Variants in PTPRD observed in about 807,000 individuals in gnomAD.
The protein encoded by PTPRD is receptor-type tyrosine-protein phosphatase delta.
In PTPRD, 34 loss-of-function variants were observed where a neutral mutation model predicts 214.5. The observed-to-expected ratio is 0.16, with a 90% confidence interval of 0.12 to 0.21. The LOEUF (loss-of-function observed/expected upper bound fraction) is 0.21, where lower values mean the gene tolerates loss of function less well. Among genes scored for constraint, PTPRD ranks in the 10% least tolerant of loss-of-function variants. The probability of loss-of-function intolerance (pLI) is 1.00; values close to 1 mark genes in which losing one functional copy is unlikely to be tolerated. For missense variants in PTPRD, 2,545 were observed against 2,398.7 expected, an observed-to-expected ratio of 1.06 and a Z score of -1.27; for synonymous variants, 1,128 against 845.7, an observed-to-expected ratio of 1.33 and a Z score of -5.79.
intron 7 of PTPRD, among the ~76,000 whole-genome samples, chr9:9,674,001 T>C (rs2096881503): frequency 6.6e-6 from 1 of 151,860 alleles, no homozygotes; most frequent in South Asian, 2.1e-4. Flanking sequence ...TGGGAAAGTT[T>C]AGTCTCCCAG....
chr9:9,350,764 A>G (rs953626031), intron 9 of PTPRD, among the ~76,000 whole-genome samples: 5 of 152,200 alleles, frequency 3.3e-5, no homozygotes, highest in East Asian at 3.9e-4. Flanking sequence ...ACAAAACACT[A>G]TAGTACAATA....
chr9:9,388,070 T>C (rs2064501214), intron 9 of PTPRD, among the ~76,000 whole-genome samples: 2 of 152,046 alleles, frequency 1.3e-5, no homozygotes, highest in South Asian at 2.1e-4. Context: ...CTTGGGAAAT[T>C]AGTGCAAGGT....
intron 9 of PTPRD, among the ~76,000 whole-genome samples, chr9:9,351,276 G>A (rs1401439707): frequency 1.3e-5 from 2 of 151,948 alleles, no homozygotes; most frequent in African/African-American, 2.4e-5. Flanking sequence ...CATAAAAAGA[G>A]GAAACAAAGG....
intron 8 of PTPRD, among the ~76,000 whole-genome samples, chr9:9,512,711 GGGACTATACAC>G (rs2096739077): frequency 6.6e-6 from 1 of 151,198 alleles, no homozygotes; most frequent in African/African-American, 2.4e-5. Flanking sequence ...TCTAACCCTG[GGGACTATACAC>G]AACTATCAAC....
intron 2 of PTPRD, among the ~76,000 whole-genome samples, chr9:10,595,412 A>G (rs545228737): frequency 6.6e-6 from 1 of 151,994 alleles, no homozygotes; most frequent in African/African-American, 2.4e-5. Flanking sequence ...AAAATCAGTG[A>G]TAATTCAGTA....
At chr9:8,830,152 A>G (rs1331632218) in intron 11 of PTPRD, among the ~76,000 whole-genome samples, 1 of 152,146 alleles carries the variant, frequency 6.6e-6, no homozygotes, top group Non-Finnish European at 1.5e-5. Context: ...TGTTCATTTT[A>G]CAGATGAGAA....
chr9:9,931,165 A>G (rs1347873376), intron 5 of PTPRD, among the ~76,000 whole-genome samples: 1 of 152,184 alleles, frequency 6.6e-6, no homozygotes, highest in South Asian at 2.1e-4. Context: ...ATAGAAAAAA[A>G]TTGATTGTAA....
intron 14 of PTPRD, among the ~76,000 whole-genome samples, chr9:8,560,920 A>T (rs577550265): frequency 8.0e-6 from 1 of 125,776 alleles, no homozygotes; most frequent in Non-Finnish European, 1.5e-5. Context: ...GCAGAAAGGC[A>T]TTCCTTTAAA....
At chr9:10,425,456 G>A (rs576629777) in intron 2 of PTPRD, among the ~76,000 whole-genome samples, 2 of 151,760 alleles carry the variant, frequency 1.3e-5, no homozygotes, top group Non-Finnish European at 2.9e-5. Flanking sequence ...CTCCCCCTGT[G>A]CTCTATTTAT....
intron 7 of PTPRD, among the ~76,000 whole-genome samples, chr9:9,615,459 G>C (rs936624809): frequency 2.6e-5 from 4 of 152,186 alleles, no homozygotes; most frequent in African/African-American, 4.8e-5. Context: ...TCTTCTCCAA[G>C]GGAAGTCTTC....
chr9:8,562,373 G>T (rs1424833411), intron 14 of PTPRD, among the ~76,000 whole-genome samples: 1 of 151,824 alleles, frequency 6.6e-6, no homozygotes, highest in African/African-American at 2.4e-5. Context: ...AGTATTTTTT[G>T]AAAACTTCTC....
chr9:10,090,314 G>A (rs765207152), intron 3 of PTPRD, among the ~76,000 whole-genome samples: 2 of 151,470 alleles, frequency 1.3e-5, no homozygotes, highest in African/African-American at 4.8e-5. Context: ...AGCCAGACTA[G>A]CTTATTCACC....
chr9:8,670,398 T>C (rs1323898967), intron 12 of PTPRD, among the ~76,000 whole-genome samples: 9 of 152,160 alleles, frequency 5.9e-5, no homozygotes. Flanking sequence ...GTGGTTACTA[T>C]AGCTATATCA....
chr9:10,081,265 A>T (rs1272183041), intron 3 of PTPRD, among the ~76,000 whole-genome samples: 1 of 152,136 alleles, frequency 6.6e-6, no homozygotes, highest in Non-Finnish European at 1.5e-5. Context: ...CAAGATTCTG[A>T]TACACATCAA....
chr9:10,558,755 T>C (rs1482356065), intron 2 of PTPRD, among the ~76,000 whole-genome samples: 3 of 152,122 alleles, frequency 2.0e-5, no homozygotes, highest in South Asian at 2.1e-4. Context: ...GTTTGAAGAA[T>C]GGATGGATGA....
chr9:9,381,022 T>C (rs2780079), intron 9 of PTPRD, among the ~76,000 whole-genome samples: 32,477 of 152,058 alleles, frequency 0.21, 4,058 homozygotes, highest in East Asian at 0.38. Flanking sequence ...TTTTGCTTAG[T>C]GTTAGTATGG....
At chr9:10,238,902 CA>C (rs1356773180) in intron 3 of PTPRD, among the ~76,000 whole-genome samples, 1 of 151,752 alleles carries the variant, frequency 6.6e-6, no homozygotes, top group Non-Finnish European at 1.5e-5. Flanking sequence ...ACCTGGGAGG[CA>C]GTATGTTTTG....
chr9:10,599,332 CTT>C (rs2077412909), intron 2 of PTPRD, among the ~76,000 whole-genome samples: 1 of 151,752 alleles, frequency 6.6e-6, no homozygotes, highest in Admixed American at 6.6e-5. Flanking sequence ...AATAATTCCA[CTT>C]TGTTTCCTAT....
chr9:8,425,425 C>T (rs1412644468), intron 35 of PTPRD, among the ~76,000 whole-genome samples: 1 of 139,810 alleles, frequency 7.2e-6, no homozygotes, highest in Non-Finnish European at 1.5e-5. Context: ...ACCTTTCACA[C>T]CTCACCTCTC....
Sources: allele counts gnomAD v4.1 joint callset (sites outside exome capture counted in the v4.1 genomes callset), GRCh38; gene constraint gnomAD v4.1.1; transcripts MANE v1.5; gene names NCBI Gene and HGNC (gene_info 2026-07-23, HGNC 2026-07-21).